AKAP6: variants seen among roughly 807,000 people sequenced by gnomAD.
AKAP6 encodes A-kinase anchor protein 6.
AKAP6 carries 58 observed loss-of-function variants against 188.5 expected under a neutral mutation model. The ratio of observed to expected loss-of-function variants is 0.31; its 90% CI spans 0.25 to 0.38. The LOEUF is 0.38. Ranked by LOEUF, AKAP6 falls within the 10% of genes least tolerant of loss-of-function variation. The probability of loss-of-function intolerance (pLI) is 1.00; values close to 1 mark genes in which losing one functional copy is unlikely to be tolerated. For synonymous variants in AKAP6, 989 were observed against 998.6 expected (o/e 0.99, Z 0.18); for missense variants, 2,710 against 2,740.0 (o/e 0.99, Z 0.24).
At position 32,821,770 on chromosome 14, in the gene AKAP6, T is replaced by G. The variant is rs763211909; in HGVS notation, c.3957T>G (p.Val1319=). The G allele has an allele frequency of 3.7e-6, 6 of 1,613,798 alleles. No homozygotes were observed. The highest frequency in any genetic ancestry group is 1.7e-4 in the Middle Eastern group (1 of 6,058). The stretch of plus-strand genomic sequence containing the variant: ...TCACTGGCATGACACAGCCTAATGT[T>G]TTAACTAAGAGTCTCAGTAAAGACT... ...PKVTGMTQPN[V]LTKSLSKDSS... Residue 1319 remains valine (V), a synonymous_variant, in exon 13 of 14, where the codon GTT becomes GTG. Transcript: ENST00000280979.
chr14:32,483,136 A>G (rs936519394), intron 2 of AKAP6, among the ~76,000 whole-genome samples: 3 of 152,144 alleles, frequency 2.0e-5, no homozygotes, highest in Non-Finnish European at 4.4e-5. Flanking sequence ...CAATATTTTA[A>G]TGTTGCTAAT....
intron 12 of AKAP6, among the ~76,000 whole-genome samples, chr14:32,796,909 G>C (rs957696364): frequency 6.6e-6 from 1 of 152,104 alleles, no homozygotes; most frequent in African/African-American, 2.4e-5. Flanking sequence ...TCTGACAAAG[G>C]TCTAATACCC....
intron 3 of AKAP6, among the ~76,000 whole-genome samples, chr14:32,542,077 A>G (rs980357595): frequency 6.6e-6 from 1 of 152,190 alleles, no homozygotes; most frequent in African/African-American, 2.4e-5. Context: ...TATCTTACAT[A>G]TATTACCTCC....
intron 9 of AKAP6, among the ~76,000 whole-genome samples, chr14:32,731,417 A>C (rs11627423): frequency 0.35 from 53,898 of 151,860 alleles, 10,133 homozygotes; most frequent in South Asian, 0.49. Context: ...ATTTGCCCAG[A>C]GAAAAGTTTT....
intron 8 of AKAP6, 114 bp downstream of exon 8, chr14:32,678,573 T>G: frequency 8.5e-7 from 1 of 1,177,952 alleles, no homozygotes; most frequent in East Asian, 2.4e-5. Context: ...AAGGAGAAGC[T>G]CAGTAGACTA....
chr14:32,366,200 G>A (rs1378441017), intron 1 of AKAP6, among the ~76,000 whole-genome samples: 1 of 152,136 alleles, frequency 6.6e-6, no homozygotes, highest in Non-Finnish European at 1.5e-5. Context: ...CAGGCACCAT[G>A]CCATAATTCC....
intron 5 of AKAP6, among the ~76,000 whole-genome samples, chr14:32,592,168 G>A (rs905652755): frequency 6.6e-6 from 1 of 152,180 alleles, no homozygotes; most frequent in Non-Finnish European, 1.5e-5. Context: ...AAATCTCCAT[G>A]CATTCATTTC....
intron 1 of AKAP6, among the ~76,000 whole-genome samples, chr14:32,410,092 C>T (rs1007368771): frequency 5.3e-5 from 8 of 152,080 alleles, no homozygotes; most frequent in Non-Finnish European, 1.0e-4. Context: ...TTGAAACTGC[C>T]CTGCAAAGTC....
chr14:32,590,132 G>A (rs1885426581), intron 5 of AKAP6, among the ~76,000 whole-genome samples: 1 of 152,182 alleles, frequency 6.6e-6, no homozygotes, highest in Non-Finnish European at 1.5e-5. Context: ...GTGAGGATGA[G>A]CATGCTTTTA....
intron 9 of AKAP6, among the ~76,000 whole-genome samples, chr14:32,715,844 A>T (rs1157766557): frequency 6.6e-6 from 1 of 151,936 alleles, no homozygotes; most frequent in African/African-American, 2.4e-5. Flanking sequence ...TATACAAATA[A>T]GGAATTAGTG....
At chr14:32,796,905 A>G (rs1045860412) in intron 12 of AKAP6, among the ~76,000 whole-genome samples, 2 of 152,238 alleles carry the variant, frequency 1.3e-5, no homozygotes, top group African/African-American at 4.8e-5. Context: ...TCCATCTGAC[A>G]AAGGTCTAAT....
At chr14:32,630,411 G>A (rs1281199729) in intron 7 of AKAP6, among the ~76,000 whole-genome samples, 2 of 151,972 alleles carry the variant, frequency 1.3e-5, no homozygotes, top group Admixed American at 6.6e-5. Flanking sequence ...GCAATATAAT[G>A]CATTACTTGT....
intron 9 of AKAP6, among the ~76,000 whole-genome samples, chr14:32,711,682 T>C (rs1891057631): frequency 6.6e-6 from 1 of 152,030 alleles, no homozygotes. Context: ...AGGGAATGGA[T>C]GGACCTCATC....
intron 3 of AKAP6, 37 bp from the exon 4 acceptor site, chr14:32,545,192 GT>G: frequency 1.3e-6 from 2 of 1,565,504 alleles, no homozygotes; most frequent in Non-Finnish European, 8.8e-7. Context: ...TGTAATTGAT[GT>G]TGCATTTACT....
At chr14:32,451,886 T>C (rs554268082) in intron 2 of AKAP6, among the ~76,000 whole-genome samples, 1 of 152,080 alleles carries the variant, frequency 6.6e-6, no homozygotes, top group Non-Finnish European at 1.5e-5. Flanking sequence ...ATAGTGCTGA[T>C]TGATGTCTTA....
intron 11 of AKAP6, among the ~76,000 whole-genome samples, chr14:32,769,036 G>GTTTTT (rs1566698267): frequency 5.4e-5 from 1 of 18,504 alleles, no homozygotes; most frequent in African/African-American, 1.5e-4. Flanking sequence ...CTGCTCTTTT[G>GTTTTT]ATTTTTTTTT....
chr14:32,398,102 G>C (rs1470445299), intron 1 of AKAP6, among the ~76,000 whole-genome samples: 1 of 152,222 alleles, frequency 6.6e-6, no homozygotes, highest in Non-Finnish European at 1.5e-5. Flanking sequence ...TGTAAGAGAA[G>C]AGAACTCCCT....
intron 7 of AKAP6, among the ~76,000 whole-genome samples, chr14:32,609,471 G>A (rs74041642): frequency 0.022 from 3,343 of 152,086 alleles, 123 homozygotes; most frequent in African/African-American, 0.077. Context: ...AGGTCCCGCC[G>A]GGCAGAGCTC....
chr14:32,447,160 C>T (rs765358634), intron 2 of AKAP6, among the ~76,000 whole-genome samples: 4 of 152,172 alleles, frequency 2.6e-5, no homozygotes, highest in Non-Finnish European at 4.4e-5. Context: ...GCACACTCAG[C>T]CTGCACTGCT....
Sources: gnomAD v4.1 joint callset for allele counts (sites outside exome capture counted in the v4.1 genomes callset) on GRCh38, gnomAD v4.1.1 for gene constraint, MANE v1.5 for transcripts, NCBI Gene and HGNC (gene_info 2026-07-23, HGNC 2026-07-21) for gene names.